PLCB1: variants seen among roughly 807,000 people sequenced by gnomAD.
The protein encoded by PLCB1 is phospholipase C beta 1, also known as 1-phosphatidylinositol 4,5-bisphosphate phosphodiesterase beta-1.
In PLCB1, 46 loss-of-function variants were observed where a neutral mutation model predicts 161.8. The observed-to-expected ratio is 0.28, with a 90% confidence interval of 0.22 to 0.36. The LOEUF is 0.36. Among genes scored for constraint, PLCB1 ranks in the 10% least tolerant of loss-of-function variants. The pLI, the probability that PLCB1 is intolerant of heterozygous loss-of-function variation, is 1.00. For synonymous variants in PLCB1, 517 were observed against 503.7 expected (o/e 1.03, Z -0.35); for missense variants, 1,016 against 1,472.5 (o/e 0.69, Z 5.07).
intron 3 of PLCB1, among the ~76,000 whole-genome samples, chr20:8,454,560 C>T (rs1056803596): frequency 3.3e-5 from 5 of 151,960 alleles, no homozygotes; most frequent in East Asian, 1.9e-4. Flanking sequence ...GATTGGATGA[C>T]GAATGGAAAG....
chr20:8,868,704 T>C (rs529881610), intron 31 of PLCB1, among the ~76,000 whole-genome samples: 1 of 152,288 alleles, frequency 6.6e-6, no homozygotes, highest in East Asian at 1.9e-4. Context: ...CCATCTTGGC[T>C]CACTTCAACC....
chr20:8,188,727 A>T (rs2051933436), intron 2 of PLCB1, among the ~76,000 whole-genome samples: 1 of 152,140 alleles, frequency 6.6e-6, no homozygotes, highest in Admixed American at 6.6e-5. Context: ...CGACGTTTTC[A>T]CTTTCAAAAC....
chr20:8,741,458 A>C lies in PLCB1; in HGVS notation c.2414-6A>C. Reference sequence around the variant, plus strand: ...CTTTGATCTAAAATATCTCTTCCCTATTTAGATGTCATCGAAGCTTTATCA... The same window carrying C: ...CTTTGATCTAAAATATCTCTTCCCTCTTTAGATGTCATCGAAGCTTTATCA... On this transcript the variant is annotated splice_polypyrimidine_tract_variant and splice_region_variant and intron_variant, in intron 22 of 31. Coordinates refer to ENST00000338037, the MANE Select transcript of PLCB1 (RefSeq NM_015192.4). 1 of 1,592,680 alleles carries C rather than the reference A, an allele frequency of 6.3e-7. No homozygotes were observed. The highest frequency in any genetic ancestry group is 8.6e-7 in the Non-Finnish European group (1 of 1,160,806).
intron 3 of PLCB1, among the ~76,000 whole-genome samples, chr20:8,406,461 A>G (rs564200265): frequency 1.3e-5 from 2 of 152,374 alleles, no homozygotes; most frequent in Admixed American, 6.5e-5. Context: ...TTTTCAACAC[A>G]TAATAATTTC....
chr20:8,756,601 G>A (rs1395735647), intron 23 of PLCB1, among the ~76,000 whole-genome samples: 1 of 152,146 alleles, frequency 6.6e-6, no homozygotes, highest in Non-Finnish European at 1.5e-5. Context: ...GCTGGTCCAG[G>A]ACATCCTTGA....
chr20:8,313,202 T>G (rs367744271), intron 2 of PLCB1, among the ~76,000 whole-genome samples: 2 of 152,286 alleles, frequency 1.3e-5, no homozygotes, highest in East Asian at 3.9e-4. Flanking sequence ...TGTAACAAAC[T>G]ATCTCAAATT....
chr20:8,861,532 C>T (rs989798331), intron 31 of PLCB1, among the ~76,000 whole-genome samples: 3 of 152,100 alleles, frequency 2.0e-5, no homozygotes, highest in African/African-American at 7.2e-5. Flanking sequence ...GAGATTGAGA[C>T]CATCTTGGCC....
intron 3 of PLCB1, among the ~76,000 whole-genome samples, chr20:8,571,697 G>A (rs997750046): frequency 2.0e-5 from 3 of 152,138 alleles, no homozygotes; most frequent in African/African-American, 7.2e-5. Context: ...GAAAGTCATG[G>A]AATAAAGGCT....
chr20:8,564,973 A>C (rs138304818), intron 3 of PLCB1, among the ~76,000 whole-genome samples: 1,574 of 152,272 alleles, frequency 0.01, 32 homozygotes, highest in African/African-American at 0.036. Flanking sequence ...TTGACCCAGC[A>C]ATCCCATTAC....
chr20:8,530,949 T>C (rs750685747), intron 3 of PLCB1, among the ~76,000 whole-genome samples: 1 of 152,090 alleles, frequency 6.6e-6, no homozygotes, highest in Admixed American at 6.6e-5. Flanking sequence ...TTTATTTACT[T>C]ATGGATTTTT....
intron 2 of PLCB1, among the ~76,000 whole-genome samples, chr20:8,225,711 A>T (rs1006833773): frequency 6.6e-6 from 1 of 152,204 alleles, no homozygotes; most frequent in Non-Finnish European, 1.5e-5. Flanking sequence ...CATCACTGAG[A>T]CCTACAAAAA....
chr20:8,533,703 A>G (rs912409413), intron 3 of PLCB1, among the ~76,000 whole-genome samples: 1 of 149,698 alleles, frequency 6.7e-6, no homozygotes, highest in African/African-American at 2.5e-5. Context: ...CCACTTTTTG[A>G]TGGGGTTGTT....
chr20:8,683,896 T>G (rs1300868178), intron 9 of PLCB1, among the ~76,000 whole-genome samples: 1 of 152,108 alleles, frequency 6.6e-6, no homozygotes, highest in Non-Finnish European at 1.5e-5. Context: ...CACCTTTTTT[T>G]TTTTTGAGAC....
chr20:8,573,669 G>T (rs1031877871), intron 3 of PLCB1, among the ~76,000 whole-genome samples: 1 of 152,192 alleles, frequency 6.6e-6, no homozygotes, highest in Non-Finnish European at 1.5e-5. Context: ...AGTTCTAAAT[G>T]ACTTTGGCTT....
chr20:8,606,524 T>C (rs1259567408), intron 3 of PLCB1, among the ~76,000 whole-genome samples: 2 of 152,198 alleles, frequency 1.3e-5, no homozygotes, highest in Non-Finnish European at 2.9e-5. Context: ...ACAATTATTA[T>C]TAGTGCCCTA....
chr20:8,797,487 C>G (rs1479073753), intron 31 of PLCB1, among the ~76,000 whole-genome samples: 2 of 152,050 alleles, frequency 1.3e-5, no homozygotes, highest in African/African-American at 4.8e-5. Context: ...TTAGTATTTT[C>G]CATCCTTCGT....
chr20:8,816,931 T>C (rs1186136748), intron 31 of PLCB1, among the ~76,000 whole-genome samples: 2 of 152,238 alleles, frequency 1.3e-5, no homozygotes, highest in Admixed American at 6.5e-5. Context: ...TCAAGTGCCC[T>C]TTCTATTTCT....
At chr20:8,412,056 T>C (rs1979068778) in intron 3 of PLCB1, among the ~76,000 whole-genome samples, 1 of 151,988 alleles carries the variant, frequency 6.6e-6, no homozygotes, top group Non-Finnish European at 1.5e-5. Context: ...GACAATTTCC[T>C]CAGTAAAGAA....
intron 3 of PLCB1, among the ~76,000 whole-genome samples, chr20:8,399,099 T>C (rs1978430476): frequency 6.6e-6 from 1 of 151,586 alleles, no homozygotes; most frequent in Non-Finnish European, 1.5e-5. Flanking sequence ...TTTTTTCTAG[T>C]ATGACTTCGT....
Sources: gnomAD v4.1 joint callset for allele counts (sites outside exome capture counted in the v4.1 genomes callset) on GRCh38, gnomAD v4.1.1 for gene constraint, MANE v1.5 for transcripts, NCBI Gene and HGNC (gene_info 2026-07-23, HGNC 2026-07-21) for gene names.